Variants in ATP8B3 observed in about 807,000 individuals in gnomAD.
ATP8B3 encodes ATPase phospholipid transporting 8B3.
Under a neutral mutation model 140.9 loss-of-function variants are expected in ATP8B3, and 141 were observed. The ratio of observed to expected loss-of-function variants is 1.00; its 90% CI spans 0.87 to 1.15. The LOEUF (loss-of-function observed/expected upper bound fraction) is 1.15. Among genes scored for constraint, ATP8B3 ranks in the 50% most tolerant of loss-of-function variants. The pLI is 0.00. For synonymous variants in ATP8B3, 765 were observed against 714.6 expected (o/e 1.07, Z -1.13); for missense variants, 1,874 against 1,740.6 (o/e 1.08, Z -1.36).
At chr19:1,799,717 T>C (rs1432429522) in intron 14 of ATP8B3, 2 of 596,544 alleles carry the variant, frequency 3.4e-6, no homozygotes, top group South Asian at 2.0e-5. Flanking sequence ...TGAGCCAAGA[T>C]TGCACCACTG....
chr19:1,809,617 A>T, intron 4 of ATP8B3, 26 bp downstream of exon 4: 1 of 1,573,744 alleles, frequency 6.4e-7, no homozygotes, highest in Non-Finnish European at 8.6e-7. Flanking sequence ...CCTCTGGAGC[A>T]GGGAGGCGCG....
chr19:1,801,499 C>T (rs1423123497), intron 12 of ATP8B3, among the ~76,000 whole-genome samples: 1 of 152,130 alleles, frequency 6.6e-6, no homozygotes, highest in Non-Finnish European at 1.5e-5. Flanking sequence ...GCCTGTAATC[C>T]TAGCACTTTG....
At chr19:1,784,128 C>T (rs532866653) in intron 28 of ATP8B3, among the ~76,000 whole-genome samples, 1 of 152,252 alleles carries the variant, frequency 6.6e-6, no homozygotes, top group East Asian at 1.9e-4. Flanking sequence ...TGTCAACAGA[C>T]TCTTATTTCT....
chr19:1,784,463 C>A (rs936387224), intron 28 of ATP8B3, among the ~76,000 whole-genome samples: 5 of 152,176 alleles, frequency 3.3e-5, no homozygotes, highest in African/African-American at 9.6e-5. Flanking sequence ...TGCAGTGAGC[C>A]GAGATTGTGC....
intron 18 of ATP8B3, among the ~76,000 whole-genome samples, chr19:1,793,637 G>A (rs117490629): frequency 0.016 from 2,462 of 152,348 alleles, 36 homozygotes; most frequent in Middle Eastern, 0.034. Flanking sequence ...GGTGGTCGGG[G>A]GGTCCCCAAG....
Position 1,811,581 on chromosome 19 carries a change from A to C in ATP8B3, c.156T>G (p.Ala52=), listed in dbSNP as rs770406515. ...GIRGGETVIR[A]GMGDSPGRGA... Reference sequence around the variant, plus strand: ...CTCTGCCTGGGGAGTCTCCCATCCCAGCTCTGATCACCGTCTCACCTCCGC... The same window carrying C: ...CTCTGCCTGGGGAGTCTCCCATCCCCGCTCTGATCACCGTCTCACCTCCGC... The change falls in exon 2 of 29, where the codon GCT becomes GCG. Residue 52 remains alanine (A), a synonymous_variant. Coordinates refer to ENST00000310127, the MANE Select transcript of ATP8B3 (RefSeq NM_138813.4). 6.2e-7 allele frequency: 1 copy of C among 1,612,240 alleles called. No homozygotes were observed. Among genetic ancestry groups the C allele is most frequent in the African/African-American group, 1.3e-5 (1 of 75,010 alleles).
chr19:1,806,372 C>G lies in ATP8B3; in HGVS notation c.678-203G>C. The G allele has an allele frequency of 6.9e-7, 1 of 1,447,332 alleles. No individual in the cohort carries two copies. The highest frequency in any genetic ancestry group is 9.0e-7 in the Non-Finnish European group (1 of 1,107,224). The allele number at this position is 1,447,332 out of a possible 1,614,324, so 89.7% of individuals were successfully genotyped here. A position where few individuals can be genotyped will look rare whatever the true frequency, so the allele number is the denominator to read the frequency against. ...ACCCAGTGACCTCCAGGGTCCTGCACCCACGTCCTCTTCAGACTTTCCTTG... is the reference window on the plus strand; with the variant it reads ...ACCCAGTGACCTCCAGGGTCCTGCAGCCACGTCCTCTTCAGACTTTCCTTG... On this transcript the variant is annotated intron_variant, in intron 7 of 28. Coordinates refer to ENST00000310127, the MANE Select transcript of ATP8B3 (RefSeq NM_138813.4). The surrounding 1 kb of genome is among the most constrained non-coding windows in gnomAD (Gnocchi z 5.6).
rs1434045689 is a variant in ATP8B3, at chr19:1,802,201, T to A, written c.1064-157A>T. ...CACCCATCCACCCCTCACCCACCCATCACTCACCCACCCACCCTTCCACCC... is the reference window on the plus strand; with the variant it reads ...CACCCATCCACCCCTCACCCACCCAACACTCACCCACCCACCCTTCCACCC... On this transcript the variant is annotated intron_variant, in intron 11 of 28. Coordinates refer to ENST00000310127, the MANE Select transcript of ATP8B3 (RefSeq NM_138813.4). 237 of 137,638 alleles carry A rather than the reference T, an allele frequency of 1.7e-3. 1 individual carries two copies. In the African/African-American group the frequency reaches 0.019, roughly 11 times the overall value. 8.5% of individuals were successfully genotyped at this position (137,638 alleles called of 1,614,324 possible).
intron 10 of ATP8B3, among the ~76,000 whole-genome samples, chr19:1,804,203 C>T (rs997898694): frequency 1.3e-5 from 2 of 152,064 alleles, no homozygotes; most frequent in Non-Finnish European, 2.9e-5. Context: ...AATAAGAAAC[C>T]GTCAAGCAGG....
chr19:1,806,888 C>T lies in ATP8B3; in HGVS notation c.616-199G>A, dbSNP rs969577284. ...CTGCTATTGGCGGGGAGAAGACAGG[C>T]GTGCTGCCCACCACCTAGAGTGCCT... is the stretch of plus-strand genomic sequence containing the variant. On this transcript the variant is annotated intron_variant, in intron 6 of 28. Transcript: ENST00000310127. The surrounding 1 kb of genome is among the most constrained non-coding windows in gnomAD (Gnocchi z 5.6). Among the ~76,000 whole-genome samples, 2 of 152,166 alleles carry T rather than the reference C, an allele frequency of 1.3e-5. No homozygotes were observed.
Position 1,806,463 on chromosome 19 carries a change from C to G in ATP8B3, c.677+165G>C. The G allele has an allele frequency of 1.4e-6, 2 of 1,464,226 alleles. No individual in the cohort carries two copies. Among genetic ancestry groups the G allele is most frequent in the South Asian group, 2.8e-5 (2 of 71,026 alleles). 90.7% of individuals were successfully genotyped at this position (1,464,226 alleles called of 1,614,324 possible). Reference sequence around the variant, plus strand: ...CCATCAGGGCCTCGGCCTCTGTCCTCGTCCCGGCCAAACGCCTAATGAATG... The same window carrying G: ...CCATCAGGGCCTCGGCCTCTGTCCTGGTCCCGGCCAAACGCCTAATGAATG... On this transcript the variant is annotated intron_variant, in intron 7 of 28. Coordinates refer to ENST00000310127, the MANE Select transcript of ATP8B3 (RefSeq NM_138813.4). This position sits in a 1 kb window ranked among gnomAD's most constrained non-coding sequence, Gnocchi z 5.6.
chr19:1,789,244 C>T, intron 23 of ATP8B3, 117 bp downstream of exon 23: 6 of 1,120,142 alleles, frequency 5.4e-6, no homozygotes, highest in South Asian at 1.6e-5. Context: ...CCCAGTCCCA[C>T]CGCCGCCTCC....
rs1296357763 is a variant in ATP8B3 at position 1,800,985 on chromosome 19, C to T, written c.1153-536G>A. 2.6e-5 allele frequency among the ~76,000 whole-genome samples: 4 copies of T among 151,358 alleles called. No homozygotes were observed. Among genetic ancestry groups the T allele is most frequent in the Admixed American group, 1.3e-4 (2 of 15,174 alleles). On this transcript the variant is annotated intron_variant, in intron 12 of 28. Coordinates refer to ENST00000310127, the MANE Select transcript of ATP8B3 (RefSeq NM_138813.4). This position sits in a 1 kb window ranked among gnomAD's most constrained non-coding sequence, Gnocchi z 4.4. ...CTGGGACTACAGGCGCCCGCCACCA[C>T]GCCCGGCTAATTTTTTGTATTTTTA...
rs2145193030 is a variant in ATP8B3 at position 1,798,508 on chromosome 19, G to T, written c.1552+1439C>A. Among the ~76,000 whole-genome samples the T allele has an allele frequency of 1.3e-5, 2 of 152,154 alleles. 1 individual carries two copies. The highest frequency in any genetic ancestry group is 4.1e-4 in the South Asian group (2 of 4,822). ...AATCCCAGCACTTTGGGAGGCTGAG[G>T]CAGGCAGATCACGAGGTCAGGAGAT... On this transcript the variant is annotated intron_variant, in intron 14 of 28. Coordinates refer to ENST00000310127, the MANE Select transcript of ATP8B3 (RefSeq NM_138813.4).
intron 24 of ATP8B3, among the ~76,000 whole-genome samples, chr19:1,788,515 T>TG (rs1283462091): frequency 6.6e-6 from 1 of 152,124 alleles, no homozygotes; most frequent in African/African-American, 2.4e-5. Context: ...CCAGGCGTGA[T>TG]GGTACACGCC....
intron 4 of ATP8B3, among the ~76,000 whole-genome samples, chr19:1,809,216 C>T (rs2145210267): frequency 6.6e-6 from 1 of 150,894 alleles, no homozygotes; most frequent in African/African-American, 2.4e-5. Context: ...GGCGCAGTGG[C>T]TTACGCCTGT....
intron 14 of ATP8B3, 91 bp downstream of exon 14, chr19:1,799,856 G>T: frequency 7.8e-7 from 1 of 1,284,598 alleles, no homozygotes; most frequent in Non-Finnish European, 1.1e-6. Context: ...GAGGTGCTGG[G>T]CATGGGGCCA....
intron 2 of ATP8B3, among the ~76,000 whole-genome samples, 178 bp from the exon 3 acceptor site, chr19:1,810,861 G>C (rs985171590): frequency 6.6e-6 from 1 of 152,076 alleles, no homozygotes; most frequent in African/African-American, 2.4e-5. Flanking sequence ...GTCTTGCCTT[G>C]GACATCCTGA....
At position 1,795,784 on chromosome 19, in the gene ATP8B3, T is replaced by TACACAC. The variant is rs10526864; in HGVS notation, c.2055+85_2055+90dup. ...CCCTGCCTCCTCCTCCTCCTGTCCCTACACACACACACACACACACACACA... is the reference window on the plus strand; with the variant it reads ...CCCTGCCTCCTCCTCCTCCTGTCCCTACACACACACACACACACACACACACACACA... On this transcript the variant is annotated intron_variant, in intron 18 of 28. Transcript: ENST00000310127. The TACACAC allele has an allele frequency of 2.4e-3, 2,150 of 894,298 alleles. 21 individuals are homozygous for TACACAC. The highest frequency in any genetic ancestry group is 5.9e-3 in the African/African-American group (217 of 36,890). The allele number at this position is 894,298 out of a possible 1,614,324, so 55.4% of individuals were successfully genotyped here. A position where few individuals can be genotyped will look rare whatever the true frequency, so the allele number is the denominator to read the frequency against.
Sources: gnomAD v4.1 joint callset for allele counts (sites outside exome capture counted in the v4.1 genomes callset) on GRCh38, gnomAD v4.1.1 for gene constraint, Gnocchi (gnomAD v3.1) non-coding constraint, MANE v1.5 for transcripts, NCBI Gene and HGNC (gene_info 2026-07-23, HGNC 2026-07-21) for gene names.